HOATZ: variants seen among roughly 807,000 people sequenced by gnomAD.
The protein encoded by HOATZ is HOATZ cilia and flagella associated protein, also known as cilia- and flagella-associated protein HOATZ.
Under a neutral mutation model 24.9 loss-of-function variants are expected in HOATZ, and 26 were observed. The observed-to-expected ratio is 1.04, with a 90% CI of 0.76 to 1.45. The LOEUF (loss-of-function observed/expected upper bound fraction) is 1.45, where lower values mean the gene tolerates loss of function less well. HOATZ is among the 40% of genes most tolerant of loss of function. The probability of loss-of-function intolerance (pLI) is 0.00; values close to 1 mark genes in which losing one functional copy is unlikely to be tolerated. For synonymous variants in HOATZ, 83 were observed against 76.6 expected, an observed-to-expected ratio of 1.08 and a Z score of -0.43; for missense variants, 226 against 201.5, an observed-to-expected ratio of 1.12 and a Z score of -0.74.
rs184174892 is a variant in HOATZ at position 111,534,667 on chromosome 11, A to G, written c.452+203A>G. 2.3e-3 allele frequency: 1,308 copies of G among 560,694 alleles called. 4 individuals are homozygous for G. Among genetic ancestry groups the G allele is most frequent in the Non-Finnish European group, 3.4e-3 (1,055 of 308,242 alleles). 34.7% of individuals were successfully genotyped at this position (560,694 alleles called of 1,614,324 possible). ...AACTTGTCTGTCTGTGGAATATGCAAGCATAAGTTAGTGCAAAATGGAAAG... is the reference window on the plus strand; with the variant it reads ...AACTTGTCTGTCTGTGGAATATGCAGGCATAAGTTAGTGCAAAATGGAAAG... On this transcript the variant is annotated intron_variant, in intron 5 of 5. Transcript: ENST00000375618.
chr11:111,526,593 TG>T (rs1867341431), intron 3 of HOATZ: 1 of 151,132 alleles, frequency 6.6e-6, no homozygotes. Context: ...AAACATTAGA[TG>T]AAGATCAGGT....
chr11:111,517,424 A>G (rs1371929893), intron 3 of HOATZ, among the ~76,000 whole-genome samples: 2 of 152,250 alleles, frequency 1.3e-5, no homozygotes, highest in Admixed American at 1.3e-4. Flanking sequence ...CAATAAGACA[A>G]TATGATGTGA....
chr11:111,516,489 C>G (rs1269670972), intron 3 of HOATZ, among the ~76,000 whole-genome samples: 2 of 151,920 alleles, frequency 1.3e-5, no homozygotes, highest in Non-Finnish European at 2.9e-5. Context: ...CAGGAGGATC[C>G]CTTGAGGCCA....
rs570646399 is a variant in HOATZ, at chr11:111,529,132, T to C, written c.340-4614T>C. Among the ~76,000 whole-genome samples the C allele has an allele frequency of 3.3e-5, 5 of 152,356 alleles. No homozygotes were observed. The South Asian group carries it at 1.0e-3, about 32-fold the overall frequency. Reference sequence around the variant, plus strand: ...TCAGTGAAAGTTTGTTTTTATCTTCTCTGCTTCCCCCTCTTCCTTTTTTTT... The same window carrying C: ...TCAGTGAAAGTTTGTTTTTATCTTCCCTGCTTCCCCCTCTTCCTTTTTTTT... On this transcript the variant is annotated intron_variant, in intron 3 of 5. Coordinates refer to ENST00000375618, the MANE Select transcript of HOATZ (RefSeq NM_001100388.2).
In HOATZ at chr11:111,536,829, T is replaced by A; in HGVS notation, c.*2T>A. 6.2e-7 allele frequency: 1 copy of A among 1,613,074 alleles called. No homozygotes were observed. The highest frequency in any genetic ancestry group is 1.1e-5 in the South Asian group (1 of 91,054). On this transcript the variant is annotated 3_prime_UTR_variant, in exon 6 of 6. Coordinates refer to ENST00000375618, the MANE Select transcript of HOATZ (RefSeq NM_001100388.2). ...GAAGAAGTCAAAACTTTGGACTAAT[T>A]TGCTTGACACATGGCAGAGGATGGC... is the stretch of plus-strand genomic sequence containing the variant.
chr11:111,534,570 C>T, intron 5 of HOATZ, 106 bp downstream of exon 5: 1 of 871,414 alleles, frequency 1.1e-6, no homozygotes, highest in Non-Finnish European at 1.9e-6. Flanking sequence ...TTCTAGAAAC[C>T]CACCCGTGTA....
chr11:111,523,205 C>CTTTTTT (rs747393521), intron 3 of HOATZ, among the ~76,000 whole-genome samples: 3 of 94,270 alleles, frequency 3.2e-5, no homozygotes, highest in Non-Finnish European at 4.3e-5. Flanking sequence ...TAAGTGTTCA[C>CTTTTTT]TTTTTTTTTT....
chr11:111,536,854 C>T lies in HOATZ; in HGVS notation c.*27C>T, dbSNP rs1867456327. ...TTGCTTGACACATGGCAGAGGATGG[C>T]TCACTTATACCTTCACTTTGGAAAC... On this transcript the variant is annotated 3_prime_UTR_variant, in exon 6 of 6. Transcript: ENST00000375618. The T allele has an allele frequency of 6.9e-6, 11 of 1,588,974 alleles. No individual in the cohort carries two copies. The highest frequency in any genetic ancestry group is 1.3e-5 in the African/African-American group (1 of 74,472).
At chr11:111,536,727 C>T (rs765940978) in intron 5 of HOATZ, 43 bp from the exon 6 acceptor site, 10 of 1,450,702 alleles carry the variant, frequency 6.9e-6, no homozygotes, top group South Asian at 3.4e-5. Flanking sequence ...TTCACAATGG[C>T]GGAGTTCTGT....
intron 3 of HOATZ, among the ~76,000 whole-genome samples, chr11:111,528,223 C>T (rs1257322055): frequency 1.3e-5 from 2 of 151,834 alleles, no homozygotes. Context: ...GTCCCAACTA[C>T]TTGGGAGGCT....
intron 2 of HOATZ, 131 bp downstream of exon 2, chr11:111,515,683 G>C (rs932818374): frequency 1.7e-5 from 13 of 746,726 alleles, no homozygotes; most frequent in Non-Finnish European, 2.7e-5. Flanking sequence ...CCCTGCTCAG[G>C]GACCACCCTG....
chr11:111,515,134 G>A, intron 1 of HOATZ, 124 bp downstream of exon 1: 1 of 667,932 alleles, frequency 1.5e-6, no homozygotes, highest in Non-Finnish European at 2.6e-6. Context: ...ACATACAAAT[G>A]CATGTATAAA....
chr11:111,519,802 T>A (rs1290896602), intron 3 of HOATZ, among the ~76,000 whole-genome samples: 1 of 152,218 alleles, frequency 6.6e-6, no homozygotes. Context: ...CCATAAATTC[T>A]CTTTAAGGTT....
intron 3 of HOATZ, chr11:111,519,012 A>G (rs1203243745): frequency 2.2e-6 from 1 of 456,138 alleles, no homozygotes; most frequent in African/African-American, 2.0e-5. Context: ...CTGCTAGATT[A>G]CAGGCACCAT....
chr11:111,528,808 C>CTGTG (rs112207809), intron 3 of HOATZ, among the ~76,000 whole-genome samples: 1 of 151,182 alleles, frequency 6.6e-6, no homozygotes, highest in African/African-American at 2.4e-5. Flanking sequence ...TTCTGTCACT[C>CTGTG]TGTGTGTGTG....
rs1389611609 is a variant in HOATZ at position 111,536,859 on chromosome 11, TTA to T, written c.*35_*36del. On this transcript the variant is annotated 3_prime_UTR_variant, in exon 6 of 6. Coordinates refer to ENST00000375618, the MANE Select transcript of HOATZ (RefSeq NM_001100388.2). Reference sequence around the variant, plus strand: ...TGACACATGGCAGAGGATGGCTCACTTATACCTTCACTTTGGAAACAACCTTC... The same window carrying T: ...TGACACATGGCAGAGGATGGCTCACTTACCTTCACTTTGGAAACAACCTTC... 6.4e-7 allele frequency: 1 copy of T among 1,574,260 alleles called. No individual in the cohort carries two copies. The highest frequency in any genetic ancestry group is 8.7e-7 in the Non-Finnish European group (1 of 1,144,116).
rs768126323 is a variant in HOATZ at position 111,514,979 on chromosome 11, G to A, written c.195G>A (p.Pro65=). The change falls in exon 1 of 6, where the codon CCG becomes CCA. Residue 65 remains proline (P), a synonymous_variant. Transcript: ENST00000375618. ...GCAGAGACAGCAGTCAGCGTCTGCC[G>A]GTGGCGCGGCCCAGGAGGAGCAGAG... is the stretch of plus-strand genomic sequence containing the variant. ...VLRRDSSQRL[P]VARPRRSRGS... is the part of the protein sequence containing the mutation. 6 of 1,613,354 alleles carry A rather than the reference G, an allele frequency of 3.7e-6. No homozygotes were observed. Among genetic ancestry groups the A allele is most frequent in the Non-Finnish European group, 5.1e-6 (6 of 1,180,016 alleles).
rs112867149 is a variant in HOATZ, at chr11:111,533,812, C to T, written c.399+7C>T. ...AAGAGAAGAAAGGATCTCGGTGAGA[C>T]CAATAGTGAGGCATTTGGATAATCT... On this transcript the variant is annotated splice_region_variant and intron_variant, in intron 4 of 5. Transcript: ENST00000375618. The T allele has an allele frequency of 6.7e-4, 1,034 of 1,553,136 alleles. 8 individuals are homozygous for T. In the African/African-American group the frequency reaches 0.013, roughly 19 times the overall value.
intron 3 of HOATZ, among the ~76,000 whole-genome samples, chr11:111,531,366 G>C (rs1867391725): frequency 6.6e-6 from 1 of 152,142 alleles, no homozygotes; most frequent in Non-Finnish European, 1.5e-5. Context: ...TAAGCTCTAA[G>C]GAAGGATAAA....
Sources: allele counts gnomAD v4.1 joint callset (sites outside exome capture counted in the v4.1 genomes callset), GRCh38; gene constraint gnomAD v4.1.1; transcripts MANE v1.5; gene names NCBI Gene and HGNC (gene_info 2026-07-23, HGNC 2026-07-21).